The following AP1G1 variants were observed in gnomAD, a reference collection of about 807,000 sequenced individuals.
The protein encoded by AP1G1 is adaptor related protein complex 1 subunit gamma 1.
AP1G1 carries 7 observed loss-of-function variants against 108.3 expected under a neutral mutation model. That is an observed-to-expected ratio of 0.06 (90% CI 0.04 to 0.12). AP1G1 has a LOEUF of 0.12. Ranked by LOEUF, AP1G1 falls within the 10% of genes least tolerant of loss-of-function variation. The pLI is 1.00. For missense variants in AP1G1, 756 were observed against 1,010.7 expected (o/e 0.75, Z 3.42); for synonymous variants, 379 against 353.5 (o/e 1.07, Z -0.81).
At chr16:71,769,931 A>T (rs1039964241) in intron 5 of AP1G1, among the ~76,000 whole-genome samples, 1 of 152,232 alleles carries the variant, frequency 6.6e-6, no homozygotes, top group Non-Finnish European at 1.5e-5. Context: ...TATGTGATCA[A>T]AATAATTATG....
chr16:71,799,960 C>T (rs557218269), intron 1 of AP1G1, among the ~76,000 whole-genome samples: 197 of 151,682 alleles, frequency 1.3e-3, no homozygotes, highest in Middle Eastern at 3.5e-3. Context: ...GTGGCTCACG[C>T]CTGTAACCCC....
In AP1G1 at chr16:71,745,491, C is replaced by T; in HGVS notation, c.1854G>A (p.Gly618=). The T allele has an allele frequency of 6.2e-7, 1 of 1,614,124 alleles. No individual in the cohort carries two copies. Among genetic ancestry groups the T allele is most frequent in the Non-Finnish European group, 8.5e-7 (1 of 1,180,020 alleles). ...APLETKPPPS[G]PQPTSQANDL... is the part of the protein sequence containing the mutation. ...TGGCTACCTGGCTGGTGGGCTGTGG[C>T]CCAGAGGGTGGCGGTTTGGTCTCTA... The change falls in exon 18 of 23, where the codon GGG becomes GGA. Residue 618 remains glycine, a synonymous_variant. Coordinates refer to ENST00000299980, the MANE Select transcript of AP1G1 (RefSeq NM_001128.6).
At chr16:71,735,490 C>T (rs1413261144) in intron 21 of AP1G1, among the ~76,000 whole-genome samples, 5 of 152,008 alleles carry the variant, frequency 3.3e-5, no homozygotes, top group African/African-American at 1.2e-4. Context: ...AGTGAAACCC[C>T]GTCTCTACTA....
At chr16:71,792,500 G>C (rs1368557808) in intron 1 of AP1G1, among the ~76,000 whole-genome samples, 2 of 152,152 alleles carry the variant, frequency 1.3e-5, no homozygotes, top group African/African-American at 4.8e-5. Flanking sequence ...CCAAAGCACT[G>C]AAAGGAAGGA....
intron 2 of AP1G1, among the ~76,000 whole-genome samples, chr16:71,786,131 G>C (rs1048030235): frequency 2.0e-5 from 3 of 152,070 alleles, no homozygotes; most frequent in African/African-American, 7.2e-5. Flanking sequence ...TTTTAGCACA[G>C]TTTTCTCGAG....
In AP1G1 at chr16:71,730,869, T is replaced by C. The variant is rs573129642; in HGVS notation, c.*2189A>G. ...CCAAGGAAATGCTCTGTCAGCAGAG[T>C]AGACCCTTCCCAGCTCCATTAGCTG... is the stretch of plus-strand genomic sequence containing the variant. On this transcript the variant is annotated 3_prime_UTR_variant, in exon 23 of 23. Coordinates refer to ENST00000299980, the MANE Select transcript of AP1G1 (RefSeq NM_001128.6). The C allele has an allele frequency of 1.3e-5, 2 of 152,606 alleles. No individual in the cohort carries two copies. Among genetic ancestry groups the C allele is most frequent in the Non-Finnish European group, 2.9e-5 (2 of 68,026 alleles). 9.5% of individuals were successfully genotyped at this position (152,606 alleles called of 1,614,324 possible). A position where few individuals can be genotyped will look rare whatever the true frequency, so the allele number is the denominator to read the frequency against.
At chr16:71,768,962 C>CA (rs1409906474) in intron 6 of AP1G1, among the ~76,000 whole-genome samples, 1 of 52,310 alleles carries the variant, frequency 1.9e-5, no homozygotes, top group African/African-American at 7.7e-5. Flanking sequence ...AAATTCCTGC[C>CA]TTTAAAAAAA....
intron 1 of AP1G1, among the ~76,000 whole-genome samples, chr16:71,795,286 A>G (rs1429173987): frequency 6.6e-6 from 1 of 152,214 alleles, no homozygotes; most frequent in African/African-American, 2.4e-5. Flanking sequence ...AAATCTAAAA[A>G]CAAAATTCTA....
chr16:71,738,052 T>C (rs2045571734), intron 21 of AP1G1, among the ~76,000 whole-genome samples: 1 of 152,114 alleles, frequency 6.6e-6, no homozygotes, highest in Non-Finnish European at 1.5e-5. Context: ...TAGAACTCTT[T>C]GTTTGTTTGT....
chr16:71,775,854 T>C (rs556532334), intron 2 of AP1G1, among the ~76,000 whole-genome samples: 3 of 152,358 alleles, frequency 2.0e-5, no homozygotes, highest in East Asian at 1.9e-4. Flanking sequence ...CTTTACATCA[T>C]TGTTAGAAAT....
chr16:71,800,257 G>C (rs949012651), intron 1 of AP1G1, among the ~76,000 whole-genome samples: 1 of 150,044 alleles, frequency 6.7e-6, no homozygotes, highest in Non-Finnish European at 1.5e-5. Flanking sequence ...TGTAGTCCCA[G>C]CTACTCGGGA....
chr16:71,759,761 A>G (rs1158248461), intron 10 of AP1G1, among the ~76,000 whole-genome samples: 1 of 150,666 alleles, frequency 6.6e-6, no homozygotes, highest in Non-Finnish European at 1.5e-5. Flanking sequence ...CTCTGTCTCA[A>G]AAAAAAAAAA....
At chr16:71,736,860 G>A (rs534732686) in intron 21 of AP1G1, among the ~76,000 whole-genome samples, 1 of 151,164 alleles carries the variant, frequency 6.6e-6, no homozygotes, top group East Asian at 2.0e-4. Flanking sequence ...CTCCCAAAGT[G>A]CTGGGATTAC....
chr16:71,747,922 G>A (rs1026912212), intron 16 of AP1G1, among the ~76,000 whole-genome samples: 3 of 152,112 alleles, frequency 2.0e-5, no homozygotes, highest in Non-Finnish European at 2.9e-5. Context: ...GTTCAAGGTT[G>A]CAGTAAAATA....
intron 1 of AP1G1, chr16:71,808,155 G>A: frequency 1.8e-6 from 2 of 1,141,674 alleles, no homozygotes; most frequent in East Asian, 6.5e-5. Flanking sequence ...CAGGAGCTGA[G>A]AAAAGGGTAA....
intron 6 of AP1G1, among the ~76,000 whole-genome samples, chr16:71,769,329 T>C (rs1238846629): frequency 6.6e-6 from 1 of 151,736 alleles, no homozygotes; most frequent in Non-Finnish European, 1.5e-5. Context: ...TAATTTGACC[T>C]CAGATCATGT....
intron 19 of AP1G1, chr16:71,743,113 G>C (rs1003669434): frequency 6.6e-6 from 1 of 152,146 alleles, no homozygotes; most frequent in African/African-American, 2.4e-5. Context: ...AACATATTAG[G>C]TGAAGTATAT....
intron 6 of AP1G1, among the ~76,000 whole-genome samples, chr16:71,768,976 T>TAAAAAAAAAAAAAA (rs1567652782): frequency 1.2e-4 from 4 of 32,250 alleles, no homozygotes; most frequent in African/African-American, 2.7e-4. Flanking sequence ...AAAAAAAAAA[T>TAAAAAAAAAAAAAA]ACAAAAAAAA....
chr16:71,743,931 G>A (rs1347708225), intron 19 of AP1G1, among the ~76,000 whole-genome samples: 3 of 121,320 alleles, frequency 2.5e-5, no homozygotes, highest in African/African-American at 6.7e-5. Context: ...GGGTGACAGA[G>A]TGAGACTCTG....
Sources: gnomAD v4.1 joint callset for allele counts (sites outside exome capture counted in the v4.1 genomes callset) on GRCh38, gnomAD v4.1.1 for gene constraint, MANE v1.5 for transcripts, NCBI Gene and HGNC (gene_info 2026-07-23, HGNC 2026-07-21) for gene names.